KCNH7: variants seen among roughly 807,000 people sequenced by gnomAD.
KCNH7 encodes the protein voltage-gated inwardly rectifying potassium channel KCNH7.
In KCNH7, 49 loss-of-function variants were observed where a neutral mutation model predicts 120.8. The observed-to-expected ratio is 0.41, with a 90% CI of 0.32 to 0.51. The LOEUF is 0.51. Among genes scored for constraint, KCNH7 ranks in the 20% least tolerant of loss-of-function variants. The probability of loss-of-function intolerance (pLI) is 0.38; values close to 1 mark genes in which losing one functional copy is unlikely to be tolerated. For synonymous variants in KCNH7, 547 were observed against 516.1 expected, an observed-to-expected ratio of 1.06 and a Z score of -0.81; for missense variants, 1,097 against 1,446.6, an observed-to-expected ratio of 0.76 and a Z score of 3.92.
chr2:162,804,401 A>G (rs146846367), intron 2 of KCNH7, among the ~76,000 whole-genome samples: 2,366 of 152,082 alleles, frequency 0.016, 54 homozygotes, highest in African/African-American at 0.049. Context: ...AAATCAATAT[A>G]CACAAATCAA....
At chr2:162,521,123 G>C (rs1220713791) in intron 3 of KCNH7, among the ~76,000 whole-genome samples, 1 of 151,782 alleles carries the variant, frequency 6.6e-6, no homozygotes. Flanking sequence ...TAATAATTAT[G>C]CACTTGTTGA....
At chr2:162,787,217 T>G (rs1683740830) in intron 2 of KCNH7, among the ~76,000 whole-genome samples, 1 of 151,970 alleles carries the variant, frequency 6.6e-6, no homozygotes, top group East Asian at 1.9e-4. Context: ...TAGGATATCC[T>G]CCATGGATTC....
At chr2:162,379,341 A>T (rs1183798073) in intron 14 of KCNH7, among the ~76,000 whole-genome samples, 1 of 152,198 alleles carries the variant, frequency 6.6e-6, no homozygotes, top group Non-Finnish European at 1.5e-5. Flanking sequence ...TTTATTCATC[A>T]TGTTAAGTGG....
At chr2:162,615,076 GA>G (rs550218205) in intron 2 of KCNH7, among the ~76,000 whole-genome samples, 144 of 152,262 alleles carry the variant, frequency 9.5e-4, no homozygotes, top group African/African-American at 3.3e-3. Context: ...TCACTCCACA[GA>G]ACTTCAAATT....
chr2:162,676,505 A>G (rs1219126989), intron 2 of KCNH7, among the ~76,000 whole-genome samples: 1 of 151,494 alleles, frequency 6.6e-6, no homozygotes, highest in Non-Finnish European at 1.5e-5. Context: ...CTCTACTTCC[A>G]TTGACACAGT....
At chr2:162,828,721 C>T (rs573433079) in intron 2 of KCNH7, among the ~76,000 whole-genome samples, 1 of 152,190 alleles carries the variant, frequency 6.6e-6, no homozygotes, top group Non-Finnish European at 1.5e-5. Context: ...CCACGTGGCT[C>T]AGGGAACCTC....
chr2:162,425,071 A>G (rs1573941510), intron 8 of KCNH7, among the ~76,000 whole-genome samples: 1 of 152,242 alleles, frequency 6.6e-6, no homozygotes, highest in Non-Finnish European at 1.5e-5. Context: ...GGGGAAGTAA[A>G]GGAGAATGAA....
intron 4 of KCNH7, among the ~76,000 whole-genome samples, chr2:162,513,447 T>TTCCC (rs1691177650): frequency 7.7e-6 from 1 of 130,678 alleles, no homozygotes; most frequent in Non-Finnish European, 1.6e-5. Flanking sequence ...CCTTCCTTCC[T>TTCCC]TCCTTCTCTC....
intron 2 of KCNH7, among the ~76,000 whole-genome samples, chr2:162,753,158 G>C (rs1254603259): frequency 6.6e-6 from 1 of 151,590 alleles, no homozygotes; most frequent in Non-Finnish European, 1.5e-5. Flanking sequence ...CCCTGTCTTT[G>C]TTTCTTTCTT....
rs542978997 is a variant in KCNH7, at chr2:162,800,272, T to C, written c.307+36265A>G. Reference sequence around the variant, plus strand: ...GATTTCAGCACCTTAAATATTTAAGTGTAAATATTTAAATAGAGACGGGAA... The same window carrying C: ...GATTTCAGCACCTTAAATATTTAAGCGTAAATATTTAAATAGAGACGGGAA... On this transcript the variant is annotated intron_variant, in intron 2 of 15. Coordinates refer to ENST00000332142, the MANE Select transcript of KCNH7 (RefSeq NM_033272.4). 4.5e-4 allele frequency among the ~76,000 whole-genome samples: 68 copies of C among 151,918 alleles called. 1 individual carries two copies. Among genetic ancestry groups the C allele is most frequent in the African/African-American group, 1.6e-3 (66 of 41,500 alleles).
At chr2:162,476,554 T>G (rs186482865) in intron 6 of KCNH7, among the ~76,000 whole-genome samples, 1 of 152,324 alleles carries the variant, frequency 6.6e-6, no homozygotes, top group African/African-American at 2.4e-5. Flanking sequence ...ACCAGTTCAT[T>G]TTAAATTACT....
chr2:162,643,880 G>A (rs530429607), intron 2 of KCNH7, among the ~76,000 whole-genome samples: 3 of 151,282 alleles, frequency 2.0e-5, no homozygotes, highest in Admixed American at 2.0e-4. Context: ...TATATTAGTA[G>A]GTAAGAGTTG....
intron 6 of KCNH7, among the ~76,000 whole-genome samples, chr2:162,477,666 G>A (rs186537892): frequency 6.6e-6 from 1 of 152,246 alleles, no homozygotes; most frequent in East Asian, 1.9e-4. Context: ...TTTATTTTCA[G>A]TAATTTCATA....
At chr2:162,694,478 G>GTGTGTGTGTGTT (rs1686220614) in intron 2 of KCNH7, among the ~76,000 whole-genome samples, 1 of 94,896 alleles carries the variant, frequency 1.1e-5, no homozygotes, top group African/African-American at 1.2e-4. Context: ...GTGTGAAAGA[G>GTGTGTGTGTGTT]TGTGTGTGTG....
chr2:162,580,254 C>A (rs532336084), intron 2 of KCNH7, among the ~76,000 whole-genome samples: 17 of 152,034 alleles, frequency 1.1e-4, no homozygotes, highest in African/African-American at 4.1e-4. Context: ...TAAGTTGGTT[C>A]CCAGACCAAA....
intron 2 of KCNH7, among the ~76,000 whole-genome samples, chr2:162,833,151 G>T (rs1329642427): frequency 2.0e-5 from 3 of 152,034 alleles, no homozygotes; most frequent in Non-Finnish European, 2.9e-5. Flanking sequence ...GTTTAAAGTT[G>T]CTTGATAATT....
intron 4 of KCNH7, among the ~76,000 whole-genome samples, chr2:162,515,805 T>C (rs566074619): frequency 6.6e-6 from 1 of 151,902 alleles, no homozygotes; most frequent in African/African-American, 2.4e-5. Context: ...TTGACCTTCT[T>C]TGGCCCACAG....
At chr2:162,747,353 C>G (rs1356348446) in intron 2 of KCNH7, among the ~76,000 whole-genome samples, 1 of 152,142 alleles carries the variant, frequency 6.6e-6, no homozygotes, top group Non-Finnish European at 1.5e-5. Context: ...GAACTTTGAT[C>G]TGTTAGCACT....
intron 2 of KCNH7, among the ~76,000 whole-genome samples, chr2:162,699,993 C>A (rs1686436902): frequency 6.6e-6 from 1 of 151,932 alleles, no homozygotes; most frequent in South Asian, 2.1e-4. Context: ...TCATTAAAAA[C>A]AGCTACGATA....
Sources: gnomAD v4.1 joint callset for allele counts (sites outside exome capture counted in the v4.1 genomes callset) on GRCh38, gnomAD v4.1.1 for gene constraint, MANE v1.5 for transcripts, NCBI Gene and HGNC (gene_info 2026-07-23, HGNC 2026-07-21) for gene names.